The following ACOX3 variants were observed in gnomAD, a reference collection of about 807,000 sequenced individuals.
ACOX3 encodes acyl-CoA oxidase 3, pristanoyl.
Under a neutral mutation model 81.5 loss-of-function variants are expected in ACOX3, and 73 were observed. The observed-to-expected ratio is 0.90, with a 90% confidence interval of 0.74 to 1.09. ACOX3 has a LOEUF of 1.09. Among genes scored for constraint, ACOX3 ranks in the 50% least tolerant of loss-of-function variants. ACOX3 has a pLI of 0.00. For synonymous variants in ACOX3, 387 were observed against 375.1 expected (o/e 1.03, Z -0.37); for missense variants, 947 against 928.0 (o/e 1.02, Z -0.27).
chr4:8,386,008 G>C lies in ACOX3; in HGVS notation c.1537+3165C>G, dbSNP rs1362205054. Among the ~76,000 whole-genome samples the C allele has an allele frequency of 3.9e-5, 6 of 152,188 alleles. No individual in the cohort carries two copies. The highest frequency in any genetic ancestry group is 6.5e-5 in the Admixed American group (1 of 15,276). On this transcript the variant is annotated intron_variant, in intron 13 of 17. Transcript: ENST00000356406. The surrounding 1 kb of genome is among the most constrained non-coding windows in gnomAD (Gnocchi z 5.2). ...ACTTTGTTGCATCTTGTAAATATTA[G>C]AGCAGTTGCAGAAAAGCAGATGACT...
At chr4:8,403,587 C>G (rs2631752) in intron 7 of ACOX3, among the ~76,000 whole-genome samples, 77,122 of 152,032 alleles carry the variant, frequency 0.51, 19,696 homozygotes, top group South Asian at 0.56. Context: ...CAGCTCTGAA[C>G]CAGCGTCAAA....
chr4:8,395,650 C>T (rs963740398), intron 9 of ACOX3, among the ~76,000 whole-genome samples: 14 of 150,898 alleles, frequency 9.3e-5, no homozygotes, highest in Admixed American at 7.2e-4. Context: ...GGGCACACAG[C>T]CAGCTGGGGG....
chr4:8,400,766 C>T lies in ACOX3; in HGVS notation c.777-1114G>A, dbSNP rs180722924. Among the ~76,000 whole-genome samples, 1 of 152,292 alleles carries T rather than the reference C, an allele frequency of 6.6e-6. No homozygotes were observed. The highest frequency in any genetic ancestry group is 2.4e-5 in the African/African-American group (1 of 41,564). ...ACTTGCAATGCCTTAGGGCAGCAGT[C>T]CGCAACCTTTTTGGCACCAGGGACC... On this transcript the variant is annotated intron_variant, in intron 7 of 17. Coordinates refer to ENST00000356406, the MANE Select transcript of ACOX3 (RefSeq NM_003501.3). The surrounding 1 kb of genome is among the most constrained non-coding windows in gnomAD (Gnocchi z 4.4).
chr4:8,378,846 A>C (rs531709960), intron 14 of ACOX3, among the ~76,000 whole-genome samples: 2 of 152,358 alleles, frequency 1.3e-5, no homozygotes, highest in African/African-American at 4.8e-5. Flanking sequence ...GTCAAAGAGT[A>C]AGCACATTTT....
intron 5 of ACOX3, among the ~76,000 whole-genome samples, chr4:8,413,564 T>C (rs1722013657): frequency 7.2e-6 from 1 of 138,006 alleles, no homozygotes; most frequent in Non-Finnish European, 1.5e-5. Context: ...GTGTCCCGTC[T>C]CACTGCACCT....
At chr4:8,396,374 G>A (rs539745880) in intron 9 of ACOX3, among the ~76,000 whole-genome samples, 3 of 152,240 alleles carry the variant, frequency 2.0e-5, no homozygotes, top group South Asian at 2.1e-4. Flanking sequence ...TCCCAGAGCC[G>A]CCCCATCCTT....
chr4:8,401,861 C>T (rs557661589), intron 7 of ACOX3, among the ~76,000 whole-genome samples: 3 of 152,328 alleles, frequency 2.0e-5, no homozygotes, highest in East Asian at 3.9e-4. Context: ...AGGCAGCCCT[C>T]GGCCCACCTG....
In ACOX3 at chr4:8,405,607, C is replaced by G. The variant is rs908373696; in HGVS notation, c.776+348G>C. Reference sequence around the variant, plus strand: ...AGCATGGATGTGTGCAGAGGCCGAGCCGGGGGAGGCTCAGGATGCTGAGGA... The same window carrying G: ...AGCATGGATGTGTGCAGAGGCCGAGGCGGGGGAGGCTCAGGATGCTGAGGA... On this transcript the variant is annotated intron_variant, in intron 7 of 17. Coordinates refer to ENST00000356406, the MANE Select transcript of ACOX3 (RefSeq NM_003501.3). This position sits in a 1 kb window ranked among gnomAD's most constrained non-coding sequence, Gnocchi z 7.1. 3.3e-5 allele frequency among the ~76,000 whole-genome samples: 5 copies of G among 152,176 alleles called. No homozygotes were observed. The highest frequency in any genetic ancestry group is 1.2e-4 in the African/African-American group (5 of 41,440).
In ACOX3 at chr4:8,373,445, A is replaced by T. The variant is rs542169161; in HGVS notation, c.1896+116T>A. 4.7e-6 allele frequency: 5 copies of T among 1,072,124 alleles called. No homozygotes were observed. The African/African-American group carries it at 8.5e-5, about 18-fold the overall frequency. The allele number at this position is 1,072,124 out of a possible 1,614,324, so 66.4% of individuals were successfully genotyped here. Reference sequence around the variant, plus strand: ...GGGTGACGCTAAGGGGGTGCGTGTCAGTCTGGGTGATACTAAGGCGGTGCG... The same window carrying T: ...GGGTGACGCTAAGGGGGTGCGTGTCTGTCTGGGTGATACTAAGGCGGTGCG... On this transcript the variant is annotated intron_variant, in intron 16 of 17. Transcript: ENST00000356406.
intron 10 of ACOX3, among the ~76,000 whole-genome samples, chr4:8,392,827 A>T (rs1056310840): frequency 3.9e-5 from 6 of 152,162 alleles, no homozygotes; most frequent in African/African-American, 7.2e-5. Flanking sequence ...GTTTGCAGCG[A>T]AACCATGAAG....
At chr4:8,393,364 T>C (rs1452071972) in intron 10 of ACOX3, among the ~76,000 whole-genome samples, 1 of 94,926 alleles carries the variant, frequency 1.1e-5, no homozygotes, top group African/African-American at 5.4e-5. Flanking sequence ...GGCGGGCACC[T>C]GTAGTCCCAG....
At chr4:8,408,599 T>C (rs1181617228) in intron 6 of ACOX3, among the ~76,000 whole-genome samples, 1 of 152,154 alleles carries the variant, frequency 6.6e-6, no homozygotes, top group African/African-American at 2.4e-5. Context: ...CCACTCCAGG[T>C]AGAAATCTAT....
intron 1 of ACOX3, among the ~76,000 whole-genome samples, chr4:8,421,235 C>T (rs1302923634): frequency 6.6e-6 from 1 of 152,194 alleles, no homozygotes; most frequent in Non-Finnish European, 1.5e-5. Flanking sequence ...ATACTGGGCA[C>T]CTGTTGGCTG....
chr4:8,359,323 G>A, the ACOX3 span, among the ~76,000 whole-genome samples: 1 of 152,096 alleles, frequency 6.6e-6, no homozygotes, highest in Admixed American at 6.5e-5. This position sits in a 1 kb window ranked among gnomAD's most constrained non-coding sequence, Gnocchi z 6.0. Context: ...CAACGTAGGG[G>A]AGTTAGAGTC....
rs368975765 is a variant in ACOX3 at position 8,373,554 on chromosome 4, G to A, written c.1896+7C>T. The A allele has an allele frequency of 3.1e-5, 50 of 1,613,454 alleles. No individual in the cohort carries two copies. In the African/African-American group the frequency reaches 4.6e-4, roughly 15 times the overall value. ...ATGTAGAGAACGCGACAGCACCCAC[G>A]GCTCACCTGGGAACACAAAGCCAGG... On this transcript the variant is annotated splice_region_variant and intron_variant, in intron 16 of 17. Transcript: ENST00000356406.
In ACOX3 at chr4:8,405,874, C is replaced by A. The variant is rs1028052762; in HGVS notation, c.776+81G>T. 2.2e-6 allele frequency: 3 copies of A among 1,366,228 alleles called. No homozygotes were observed. The highest frequency in any genetic ancestry group is 2.3e-5 in the East Asian group (1 of 43,722). 84.6% of individuals were successfully genotyped at this position (1,366,228 alleles called of 1,614,324 possible). On this transcript the variant is annotated intron_variant, in intron 7 of 17. Transcript: ENST00000356406. The surrounding 1 kb of genome is among the most constrained non-coding windows in gnomAD (Gnocchi z 7.1). ...AGGGCAGGGCATGGCATCCATGGGG[C>A]CAGTGAGATCTCAGACATGAGCGAC...
At position 8,419,300 on chromosome 4, in the gene ACOX3, G is replaced by C. The variant is rs897464144; in HGVS notation, c.-14-2765C>G. Among the ~76,000 whole-genome samples the C allele has an allele frequency of 5.9e-5, 9 of 152,096 alleles. No individual in the cohort carries two copies. The highest frequency in any genetic ancestry group is 1.7e-4 in the African/African-American group (7 of 41,396). On this transcript the variant is annotated intron_variant, in intron 1 of 17. Coordinates refer to ENST00000356406, the MANE Select transcript of ACOX3 (RefSeq NM_003501.3). The surrounding 1 kb of genome is among the most constrained non-coding windows in gnomAD (Gnocchi z 4.2). The stretch of plus-strand genomic sequence containing the variant: ...AATACAAAAAAATTAGCCGGGCATG[G>C]TGGCAGGTGCCTATAGTCCCAGCTA...
intron 5 of ACOX3, among the ~76,000 whole-genome samples, chr4:8,413,398 C>G (rs1578964442): frequency 7.1e-6 from 1 of 140,328 alleles, no homozygotes. Flanking sequence ...ACAGCACTGA[C>G]AGCCCCAGGG....
At chr4:8,396,815 C>T (rs2108888652) in intron 9 of ACOX3, 122 bp downstream of exon 9, 3 of 1,167,172 alleles carry the variant, frequency 2.6e-6, no homozygotes, top group South Asian at 3.1e-5. Flanking sequence ...GCTAACTAAT[C>T]ATCCTGTTAA....
Sources: gnomAD v4.1 joint callset for allele counts (sites outside exome capture counted in the v4.1 genomes callset) on GRCh38, gnomAD v4.1.1 for gene constraint, Gnocchi (gnomAD v3.1) non-coding constraint, MANE v1.5 for transcripts, NCBI Gene and HGNC (gene_info 2026-07-23, HGNC 2026-07-21) for gene names.